Variants in CTSB observed in about 807,000 individuals in gnomAD.
The protein encoded by CTSB is APP secretase.
CTSB carries 57 observed loss-of-function variants against 44.3 expected under a neutral mutation model. The ratio of observed to expected loss-of-function variants is 1.29; its 90% CI spans 1.04 to 1.60. The LOEUF is 1.60. Ranked by LOEUF, CTSB falls within the 40% of genes most tolerant of loss-of-function variation. CTSB has a pLI of 0.00. For synonymous variants in CTSB, 320 were observed against 168.0 expected (o/e 1.91, Z -7.00); for missense variants, 768 against 443.0 (o/e 1.73, Z -6.59).
intron 9 of CTSB, among the ~76,000 whole-genome samples, chr8:11,845,437 G>A (rs552999767): frequency 5.3e-5 from 8 of 152,274 alleles, no homozygotes; most frequent in Admixed American, 3.3e-4. Flanking sequence ...AGGATCTGGC[G>A]CGATGCTGTG....
chr8:11,845,573 T>G, intron 9 of CTSB, 88 bp downstream of exon 9: 3 of 1,497,338 alleles, frequency 2.0e-6, no homozygotes, highest in South Asian at 2.5e-5. Flanking sequence ...TTTAAGGCTG[T>G]GCGGTGGGTA....
Position 11,847,789 on chromosome 8 carries a change from T to C in CTSB, c.566A>G (p.His189Arg). 6.3e-7 allele frequency: 1 copy of C among 1,598,866 alleles called. No individual in the cohort carries two copies. The highest frequency in any genetic ancestry group is 1.1e-5 in the South Asian group (1 of 88,932). The change falls in exon 7 of 10, where the codon CAC becomes CGC. Residue 189 changes from histidine to arginine, a missense_variant. His to Arg is a conservative substitution (Grantham distance 29). Coordinates refer to ENST00000353047, the MANE Select transcript of CTSB (RefSeq NM_001908.5). The stretch of plus-strand genomic sequence containing the variant: ...TGGGGGCCGGGAGCCGTTGACGTGG[T>C]GCTCACAGGGAGGGATGGAGTACGG... ...CRPYSIPPCE[H>R]HVNGSRPPCT...
chr8:11,850,236 T>G (rs1814293798), intron 4 of CTSB, among the ~76,000 whole-genome samples: 1 of 151,872 alleles, frequency 6.6e-6, no homozygotes, highest in South Asian at 2.1e-4. Context: ...CTGTCCAACA[T>G]GGCAAAACCC....
chr8:11,856,230 C>G lies in CTSB; in HGVS notation c.-25-2751G>C, dbSNP rs370488135. On this transcript the variant is annotated intron_variant, in intron 1 of 9. Transcript: ENST00000353047. ...CACCGAGACATCAACCAGCAACGCC[C>G]ACCAGTTTCTAAATCTGCATGTCCT... 2.2e-4 allele frequency among the ~76,000 whole-genome samples: 33 copies of G among 152,204 alleles called. 1 individual carries two copies. The highest frequency in any genetic ancestry group is 4.7e-4 in the Non-Finnish European group (32 of 68,014).
At chr8:11,856,925 T>C (rs1815616169) in intron 1 of CTSB, among the ~76,000 whole-genome samples, 1 of 152,164 alleles carries the variant, frequency 6.6e-6, no homozygotes, top group Admixed American at 6.5e-5. Context: ...GTTGGCAGTA[T>C]TACTAAAGGC....
intron 1 of CTSB, among the ~76,000 whole-genome samples, chr8:11,865,124 A>G (rs147974672): frequency 1.3e-5 from 2 of 152,288 alleles, no homozygotes; most frequent in East Asian, 1.9e-4. Flanking sequence ...ACATCTGTAC[A>G]TGCCTCCCCT....
intron 3 of CTSB, 80 bp from the exon 4 acceptor site, chr8:11,851,060 G>C: frequency 2.2e-6 from 2 of 912,096 alleles, no homozygotes; most frequent in Non-Finnish European, 3.5e-6. Context: ...CTTTGGCTGG[G>C]CCACACTCCC....
Position 11,844,320 on chromosome 8 carries a change from C to T in CTSB, c.*805G>A, listed in dbSNP as rs989418823. The T allele has an allele frequency of 1.3e-5, 2 of 152,204 alleles. No homozygotes were observed. Among genetic ancestry groups the T allele is most frequent in the Non-Finnish European group, 2.9e-5 (2 of 68,040 alleles). The allele number at this position is 152,204 out of a possible 1,614,324, so 9.4% of individuals were successfully genotyped here. ...TCTGAGATCCCATCAGAGTAGACTTCAAGTTGGAGAAAACTTTTATTGGCA... is the reference window on the plus strand; with the variant it reads ...TCTGAGATCCCATCAGAGTAGACTTTAAGTTGGAGAAAACTTTTATTGGCA... On this transcript the variant is annotated 3_prime_UTR_variant, in exon 10 of 10. Coordinates refer to ENST00000353047, the MANE Select transcript of CTSB (RefSeq NM_001908.5).
At chr8:11,849,972 G>A (rs1487342124) in intron 4 of CTSB, 2 of 152,300 alleles carry the variant, frequency 1.3e-5, no homozygotes, top group Non-Finnish European at 2.9e-5. Flanking sequence ...CAAATTCATA[G>A]AGACAGAAAG....
chr8:11,859,948 T>C (rs929255151), intron 1 of CTSB, among the ~76,000 whole-genome samples: 1 of 151,404 alleles, frequency 6.6e-6, no homozygotes, highest in Non-Finnish European at 1.5e-5. Context: ...TGGTGCTGCC[T>C]GTAGTCCCAG....
intron 5 of CTSB, 37 bp from the exon 6 acceptor site, chr8:11,848,189 A>G: frequency 6.4e-7 from 1 of 1,556,000 alleles, no homozygotes; most frequent in Non-Finnish European, 8.9e-7. Context: ...CTCTGAGAGA[A>G]GCACCACCAG....
chr8:11,848,590 G>T (rs917096659), intron 5 of CTSB: 13 of 329,170 alleles, frequency 3.9e-5, no homozygotes, highest in Admixed American at 3.6e-4. Context: ...AGGCATTTCG[G>T]ATCTGCAGCC....
chr8:11,843,371 T>A lies in CTSB; in HGVS notation c.*1754A>T, dbSNP rs1812614070. ...TTCTGAGTCACATCAGAAGCCAAAC[T>A]TGAATGCTTTTGGAAAGAGCTAGCC... On this transcript the variant is annotated 3_prime_UTR_variant, in exon 10 of 10. Transcript: ENST00000353047. 1 of 152,180 alleles carries A rather than the reference T, an allele frequency of 6.6e-6. No homozygotes were observed. The highest frequency in any genetic ancestry group is 1.5e-5 in the Non-Finnish European group (1 of 68,030). The allele number at this position is 152,180 out of a possible 1,614,324, so 9.4% of individuals were successfully genotyped here.
intron 1 of CTSB, among the ~76,000 whole-genome samples, chr8:11,858,269 G>A (rs766916629): frequency 6.6e-6 from 1 of 152,166 alleles, no homozygotes; most frequent in South Asian, 2.1e-4. Context: ...CCCAACGCCA[G>A]GAAGAGTCTA....
chr8:11,864,318 G>GAAAAAAAA (rs35885912), intron 1 of CTSB: 3 of 45,570 alleles, frequency 6.6e-5, no homozygotes, highest in Non-Finnish European at 1.1e-4. Context: ...CTCTACCAAC[G>GAAAAAAAA]AAAAAAAAAA....
intron 5 of CTSB, chr8:11,848,621 C>A: frequency 3.2e-6 from 1 of 312,228 alleles, no homozygotes; most frequent in South Asian, 3.0e-5. Context: ...ACCGCTACTG[C>A]GGAACCAAGG....
rs772569492 is a variant in CTSB at position 11,853,422 on chromosome 8, C to T, written c.33G>A (p.Leu11=). 6.2e-7 allele frequency: 1 copy of T among 1,612,594 alleles called. No homozygotes were observed. The highest frequency in any genetic ancestry group is 1.3e-5 in the African/African-American group (1 of 74,532). Residue 11 remains leucine, a synonymous_variant, in exon 2 of 10, where the codon CTG becomes CTA. Transcript: ENST00000353047. ...TGCTCCGGGCATTGGCCAACACCAG[C>T]AGGCAGCAGAGGGAGGCCCAGAGCT... The part of the protein sequence containing the change: MWQLWASLCC[L]LVLANARSRP...
Position 11,845,104 on chromosome 8 carries a change from G to A in CTSB, c.*21C>T. On this transcript the variant is annotated 3_prime_UTR_variant, in exon 10 of 10. Transcript: ENST00000353047. ...TACCCCGATCTCGCCCCCAGGACTG[G>A]CACGACAGGCCCACGGCAGATTAGA... The A allele has an allele frequency of 6.4e-7, 1 of 1,550,884 alleles. No homozygotes were observed. The highest frequency in any genetic ancestry group is 8.9e-7 in the Non-Finnish European group (1 of 1,122,782).
chr8:11,845,617 G>C (rs780259197), intron 9 of CTSB, 44 bp downstream of exon 9: 4 of 1,597,294 alleles, frequency 2.5e-6, no homozygotes, highest in Non-Finnish European at 3.4e-6. Flanking sequence ...ACGGGGTGTG[G>C]CTCACAATTC....
Sources: gnomAD v4.1 joint callset for allele counts (sites outside exome capture counted in the v4.1 genomes callset) on GRCh38, gnomAD v4.1.1 for gene constraint, MANE v1.5 for transcripts, NCBI Gene and HGNC (gene_info 2026-07-23, HGNC 2026-07-21) for gene names.